The following ATP23 variants were observed in gnomAD, a reference collection of about 807,000 sequenced individuals.
ATP23 encodes the protein ATP23 metallopeptidase and ATP synthase assembly factor homolog, also known as mitochondrial inner membrane protease ATP23 homolog.
Under a neutral mutation model 28.5 loss-of-function variants are expected in ATP23, and 24 were observed. The observed-to-expected ratio is 0.84, with a 90% CI of 0.61 to 1.18. ATP23 has a LOEUF of 1.18. ATP23 is among the 50% of genes most tolerant of loss of function. ATP23 has a pLI of 0.00. For missense variants in ATP23, 274 were observed against 306.4 expected, an observed-to-expected ratio of 0.89 and a Z score of 0.79; for synonymous variants, 99 against 108.6, an observed-to-expected ratio of 0.91 and a Z score of 0.55.
At chr12:57,952,782 G>A (rs1956827834) in intron 4 of ATP23, among the ~76,000 whole-genome samples, 1 of 152,058 alleles carries the variant, frequency 6.6e-6, no homozygotes, top group South Asian at 2.1e-4. Context: ...GCTAGTTAAA[G>A]TGTGTTAAGT....
chr12:57,941,963 A>C, intron 1 of ATP23, 75 bp downstream of exon 1: 2 of 1,550,330 alleles, frequency 1.3e-6, no homozygotes, highest in Non-Finnish European at 1.8e-6. Context: ...GGGCCTGGGC[A>C]ACACCTGGCC....
rs1592270935 is a variant in ATP23 at position 57,941,772 on chromosome 12, C to G, written c.71C>G (p.Ser24Cys). ...GAGCAGCTGCAGCAGCAACACGTCT[C>G]TTGCCAGGTCTTCCCCGAGCGTCTG... ...AGEQLQQQHV[S>C]CQVFPERLAQ... The change falls in exon 1 of 6, where the codon TCT (serine) becomes TGT (cysteine). Residue 24 changes from serine (S) to cysteine (C), a missense_variant. Ser to Cys is a moderately radical substitution (Grantham distance 112). Transcript: ENST00000300145. 6.2e-7 allele frequency: 1 copy of G among 1,602,198 alleles called. No individual in the cohort carries two copies. The highest frequency in any genetic ancestry group is 8.5e-7 in the Non-Finnish European group (1 of 1,174,966).
intron 5 of ATP23, among the ~76,000 whole-genome samples, 180 bp downstream of exon 5, chr12:57,953,869 C>A (rs1288513949): frequency 6.6e-6 from 1 of 152,092 alleles, no homozygotes; most frequent in African/African-American, 2.4e-5. Flanking sequence ...TAATTATGGG[C>A]AAGCTATGTG....
Position 57,959,032 on chromosome 12 carries a change from T to C in ATP23, c.*2142T>C, listed in dbSNP as rs906298245. Among the ~76,000 whole-genome samples, 2 of 151,890 alleles carry C rather than the reference T, an allele frequency of 1.3e-5. No individual in the cohort carries two copies. Among genetic ancestry groups the C allele is most frequent in the African/African-American group, 4.8e-5 (2 of 41,360 alleles). On this transcript the variant is annotated 3_prime_UTR_variant, in exon 6 of 6. Coordinates refer to ENST00000300145, the MANE Select transcript of ATP23 (RefSeq NM_033276.4). ...AGAAATATTCAAGGAAATGGAGAGCTTAAAGAAAAAAGAATAAAAAATTCA... is the reference window on the plus strand; with the variant it reads ...AGAAATATTCAAGGAAATGGAGAGCCTAAAGAAAAAAGAATAAAAAATTCA...
Position 57,941,887 on chromosome 12 carries a change from A to T in ATP23, c.186A>T (p.Thr62=), listed in dbSNP as rs1203631379. The T allele has an allele frequency of 1.2e-6, 2 of 1,612,936 alleles. No homozygotes were observed. The highest frequency in any genetic ancestry group is 1.7e-6 in the Non-Finnish European group (2 of 1,179,560). The change falls in exon 1 of 6, where the codon ACA becomes ACT. Residue 62 remains threonine (T), a splice_region_variant and synonymous_variant. Transcript: ENST00000300145. The part of the protein sequence containing the change: ...CQLRLLKTLE[T]NPYVKLLLDA... ...TTAGGCTCCTGAAGACGCTGGAGAC[A>T]AGTAGGAGCCATGACCTGGAGGCTG...
intron 3 of ATP23, among the ~76,000 whole-genome samples, chr12:57,950,974 A>G (rs988021630): frequency 3.3e-5 from 5 of 152,264 alleles, no homozygotes; most frequent in African/African-American, 1.2e-4. Flanking sequence ...GTATTAGTTG[A>G]ATCAATGGAT....
chr12:57,945,899 C>G (rs116936883), intron 2 of ATP23, among the ~76,000 whole-genome samples: 1 of 148,388 alleles, frequency 6.7e-6, no homozygotes, highest in Non-Finnish European at 1.5e-5. Flanking sequence ...GAGTCTCGCT[C>G]TTGTTGTCCA....
At chr12:57,953,085 T>C (rs4760347) in intron 4 of ATP23, among the ~76,000 whole-genome samples, 69,220 of 151,992 alleles carry the variant, frequency 0.46, 16,740 homozygotes, top group East Asian at 0.76. Flanking sequence ...TGAACTTATA[T>C]AGGTTTGAGG....
rs11172395 is a variant in ATP23, at chr12:57,958,310, G to A, written c.*1420G>A. Among the ~76,000 whole-genome samples, 4,500 of 152,118 alleles carry A rather than the reference G, an allele frequency of 0.03. 231 individuals are homozygous for A. The highest frequency in any genetic ancestry group is 0.1 in the African/African-American group (4,258 of 41,472). Reference sequence around the variant, plus strand: ...TCCTTCCCTACCCACCCTGGTATCTGAACAAAAAGGGCATACAATCTTGGG... The same window carrying A: ...TCCTTCCCTACCCACCCTGGTATCTAAACAAAAAGGGCATACAATCTTGGG... On this transcript the variant is annotated 3_prime_UTR_variant, in exon 6 of 6. Coordinates refer to ENST00000300145, the MANE Select transcript of ATP23 (RefSeq NM_033276.4).
chr12:57,946,160 C>A (rs918593677), intron 2 of ATP23, among the ~76,000 whole-genome samples: 2 of 152,156 alleles, frequency 1.3e-5, no homozygotes, highest in African/African-American at 4.8e-5. Context: ...GCCACTGCGC[C>A]AGCCCAGCTC....
chr12:57,942,530 T>C (rs967854040), intron 1 of ATP23, among the ~76,000 whole-genome samples: 1 of 151,950 alleles, frequency 6.6e-6, no homozygotes, highest in African/African-American at 2.4e-5. Context: ...TTCACGCCGT[T>C]CTCCTGCCTC....
chr12:57,951,649 C>CA, intron 3 of ATP23, 109 bp from the exon 4 acceptor site: 1 of 1,213,592 alleles, frequency 8.2e-7, no homozygotes, highest in Non-Finnish European at 1.2e-6. Context: ...AGAGATATTC[C>CA]AGGCAGGTGA....
At chr12:57,952,807 A>G (rs1366429995) in intron 4 of ATP23, among the ~76,000 whole-genome samples, 1 of 152,226 alleles carries the variant, frequency 6.6e-6, no homozygotes, top group Non-Finnish European at 1.5e-5. Flanking sequence ...TGAGCTCCTC[A>G]GAGGAATGAG....
intron 3 of ATP23, among the ~76,000 whole-genome samples, chr12:57,951,402 G>A (rs1956812953): frequency 6.6e-6 from 1 of 152,184 alleles, no homozygotes; most frequent in Non-Finnish European, 1.5e-5. Flanking sequence ...ATTTGAATCT[G>A]TGTGCTTCAT....
chr12:57,943,353 G>A (rs1220167361), intron 1 of ATP23, among the ~76,000 whole-genome samples: 2 of 152,086 alleles, frequency 1.3e-5, no homozygotes, highest in African/African-American at 2.4e-5. Flanking sequence ...AAAGAGAAGG[G>A]GAAAATACCT....
rs1199910404 is a variant in ATP23, at chr12:57,958,286, C to G, written c.*1396C>G. ...TCTATCCCTGCCCCGACCTGATGTT[C>G]CTTCCCTACCCACCCTGGTATCTGA... On this transcript the variant is annotated 3_prime_UTR_variant, in exon 6 of 6. Coordinates refer to ENST00000300145, the MANE Select transcript of ATP23 (RefSeq NM_033276.4). 6.6e-6 allele frequency among the ~76,000 whole-genome samples: 1 copy of G among 152,164 alleles called. No homozygotes were observed. Among genetic ancestry groups the G allele is most frequent in the Non-Finnish European group, 1.5e-5 (1 of 68,022 alleles).
intron 1 of ATP23, among the ~76,000 whole-genome samples, chr12:57,942,664 C>T (rs1956718153): frequency 1.3e-5 from 2 of 152,126 alleles, no homozygotes; most frequent in African/African-American, 4.8e-5. Context: ...ACCTCGTGAT[C>T]TGCCTGCCTC....
chr12:57,947,337 G>C (rs886528033), intron 3 of ATP23, among the ~76,000 whole-genome samples: 2 of 152,164 alleles, frequency 1.3e-5, no homozygotes, highest in African/African-American at 4.8e-5. Flanking sequence ...TACCACAATG[G>C]AACAGTGATG....
At chr12:57,942,846 A>C (rs1364321917) in intron 1 of ATP23, among the ~76,000 whole-genome samples, 1 of 152,224 alleles carries the variant, frequency 6.6e-6, no homozygotes, top group East Asian at 1.9e-4. Context: ...CTGCCCATTG[A>C]CAAATTTCTC....
Sources: allele counts gnomAD v4.1 joint callset (sites outside exome capture counted in the v4.1 genomes callset), GRCh38; gene constraint gnomAD v4.1.1; transcripts MANE v1.5; gene names NCBI Gene and HGNC (gene_info 2026-07-23, HGNC 2026-07-21).